CD163: variants seen among roughly 807,000 people sequenced by gnomAD.
CD163 encodes the protein CD163 molecule, also known as scavenger receptor cysteine-rich type 1 protein M130.
In CD163, 64 loss-of-function variants were observed where a neutral mutation model predicts 129.2. That is an observed-to-expected ratio of 0.50 (90% CI 0.41 to 0.61). The LOEUF (loss-of-function observed/expected upper bound fraction) is 0.61, where lower values mean the gene tolerates loss of function less well. CD163 is among the 20% of genes least tolerant of loss of function. The pLI is 0.00. For synonymous variants in CD163, 446 were observed against 478.5 expected, an observed-to-expected ratio of 0.93 and a Z score of 0.89; for missense variants, 1,061 against 1,377.9, an observed-to-expected ratio of 0.77 and a Z score of 3.64.
rs771709951 is a variant in CD163, at chr12:7,473,789, TAA to T, written c.*32-2394_*32-2393del. The stretch of plus-strand genomic sequence containing the variant: ...AAAAGACACAGACTGGCAAATTGGA[TAA>T]AGAGTCAAGATCCATCGGCGTGCTG... On this transcript the variant is annotated intron_variant, in intron 16 of 16. Coordinates refer to ENST00000432237, the MANE Select transcript of CD163 (RefSeq NM_203416.4). 1.6e-4 allele frequency among the ~76,000 whole-genome samples: 25 copies of T among 151,988 alleles called. No individual in the cohort carries two copies. The East Asian group carries it at 4.4e-3, about 27-fold the overall frequency.
Position 7,483,633 on chromosome 12 carries a change from C to T in CD163, c.2822G>A (p.Arg941His), listed in dbSNP as rs1457652261. 4.3e-6 allele frequency: 7 copies of T among 1,613,540 alleles called. No individual in the cohort carries two copies. Among genetic ancestry groups the T allele is most frequent in the Non-Finnish European group, 5.1e-6 (6 of 1,179,858 alleles). ...LQEGPTSCSG[R>H]VEIWHGGSWG... is the part of the protein sequence containing the mutation. ...GGAACCTCCATGCCAGATCTCCACA[C>T]GTCCAGAACAGGAAGTGGGTCCTTC... The change falls in exon 12 of 17, where the codon CGT becomes CAT. Residue 941 changes from arginine to histidine, a missense_variant. Coordinates refer to ENST00000432237, the MANE Select transcript of CD163 (RefSeq NM_203416.4).
At chr12:7,501,884 A>G (rs1050648310) in intron 2 of CD163, among the ~76,000 whole-genome samples, 3 of 152,236 alleles carry the variant, frequency 2.0e-5, no homozygotes, top group Non-Finnish European at 2.9e-5. Context: ...GACTAGTTGT[A>G]AGAAATTTAA....
At position 7,497,026 on chromosome 12, in the gene CD163, C is replaced by T. The variant is rs1949411694; in HGVS notation, c.886G>A (p.Asp296Asn). 4 of 1,614,066 alleles carry T rather than the reference C, an allele frequency of 2.5e-6. No homozygotes were observed. The highest frequency in any genetic ancestry group is 2.5e-6 in the Non-Finnish European group (3 of 1,179,980). ...CATGCCACAGCAGCATCGTAACTGTCCCAGCCGTCATCACATATTGTCCCC... is the reference window on the plus strand; with the variant it reads ...CATGCCACAGCAGCATCGTAACTGTTCCAGCCGTCATCACATATTGTCCCC... ...EWGTICDDGWDSYDAAVACKQ... is the reference protein window; with the variant it reads ...EWGTICDDGWNSYDAAVACKQ... Residue 296 changes from aspartate (D) to asparagine (N), a missense_variant, in exon 5 of 17, where the codon GAC becomes AAC. By Grantham distance (23) the Asp-to-Asn change is conservative. Transcript: ENST00000432237.
rs1948998648 is a variant in CD163 at position 7,471,217 on chromosome 12, C to G, written c.*212G>C. On this transcript the variant is annotated 3_prime_UTR_variant, in exon 17 of 17. Coordinates refer to ENST00000432237, the MANE Select transcript of CD163 (RefSeq NM_203416.4). ...TTATTTATTTAATTCCCTTGAAAGTCTCATATACACCACTAAGTAGTCACA... is the reference window on the plus strand; with the variant it reads ...TTATTTATTTAATTCCCTTGAAAGTGTCATATACACCACTAAGTAGTCACA... 2.0e-5 allele frequency: 3 copies of G among 152,248 alleles called. No homozygotes were observed. Among genetic ancestry groups the G allele is most frequent in the African/African-American group, 7.2e-5 (3 of 41,418 alleles). The allele number at this position is 152,248 out of a possible 1,614,324, so 9.4% of individuals were successfully genotyped here.
At chr12:7,498,146 CAGAGAGAG>C (rs1555079445) in intron 4 of CD163, among the ~76,000 whole-genome samples, 18 of 148,860 alleles carry the variant, frequency 1.2e-4, no homozygotes, top group African/African-American at 4.0e-4. Context: ...CACACACACA[CAGAGAGAG>C]AGAGAGAGAG....
At position 7,487,404 on chromosome 12, in the gene CD163, C is replaced by T. The variant is rs1171127270; in HGVS notation, c.2005G>A (p.Ala669Thr). The T allele has an allele frequency of 6.2e-7, 1 of 1,607,998 alleles. No individual in the cohort carries two copies. The highest frequency in any genetic ancestry group is 8.5e-7 in the Non-Finnish European group (1 of 1,177,274). The change falls in exon 8 of 17, where the codon GCT (alanine) becomes ACT (threonine). Residue 669 changes from alanine to threonine, a missense_variant. By Grantham distance (58) the Ala-to-Thr change is moderately conservative. Transcript: ENST00000432237. This position sits in a 1 kb window ranked among gnomAD's most constrained non-coding sequence, Gnocchi z 5.1. Reference protein sequence around the residue: ...MGDCPVTALGASLCPSEQVAS... With the variant: ...MGDCPVTALGTSLCPSEQVAS... Reference sequence around the variant, plus strand: ...ACTTGCTCTGAAGGACATAATGAAGCACCTAGAGCAGTTACAGGACAATCT... The same window carrying T: ...ACTTGCTCTGAAGGACATAATGAAGTACCTAGAGCAGTTACAGGACAATCT...
chr12:7,480,967 A>T, intron 15 of CD163, 194 bp downstream of exon 15: 1 of 1,288,856 alleles, frequency 7.8e-7, no homozygotes, highest in Non-Finnish European at 9.9e-7. Context: ...CTCTTAAGCT[A>T]AAGGCCTCCC....
rs1236194549 is a variant in CD163, at chr12:7,483,580, C to T, written c.2875G>A (p.Asp959Asn). Residue 959 changes from aspartate (D) to asparagine (N), a missense_variant, in exon 12 of 17, where the codon GAC becomes AAC. Coordinates refer to ENST00000432237, the MANE Select transcript of CD163 (RefSeq NM_203416.4). ...CACACCACCTGAGCATCGTCCAAGT[C>T]CCAAGAGTCATCACACACTGTCCCC... ...SWGTVCDDSW[D>N]LDDAQVVCQQ... The T allele has an allele frequency of 1.2e-6, 2 of 1,613,640 alleles. No individual in the cohort carries two copies. Among genetic ancestry groups the T allele is most frequent in the Middle Eastern group, 1.6e-4 (1 of 6,062 alleles).
chr12:7,490,407 C>T (rs1949311775), intron 6 of CD163, among the ~76,000 whole-genome samples: 1 of 151,936 alleles, frequency 6.6e-6, no homozygotes. Context: ...TTAAGAAACA[C>T]AATCATCAAG....
At position 7,485,063 on chromosome 12, in the gene CD163, A is replaced by G. The variant is rs1199688283; in HGVS notation, c.2779+33T>C. 6.5e-7 allele frequency: 1 copy of G among 1,538,156 alleles called. No individual in the cohort carries two copies. On this transcript the variant is annotated intron_variant, in intron 11 of 16. Transcript: ENST00000432237. The surrounding 1 kb of genome is among the most constrained non-coding windows in gnomAD (Gnocchi z 4.5). The stretch of plus-strand genomic sequence containing the variant: ...CAGAAGATGATAGCGGGGCTGCAGA[A>G]TGGAATTTTCATATAGGTCGATGGA...
intron 11 of CD163, 72 bp from the exon 12 acceptor site, chr12:7,483,747 G>T: frequency 2.3e-6 from 2 of 870,672 alleles, no homozygotes; most frequent in East Asian, 3.2e-5. Flanking sequence ...GGTGAAAAGA[G>T]AGATTTGAAA....
chr12:7,480,100 A>C, intron 15 of CD163, 187 bp from the exon 16 acceptor site: 1 of 1,051,778 alleles, frequency 9.5e-7, no homozygotes, highest in South Asian at 1.7e-5. Context: ...TAGGAAGAAA[A>C]GCATGTGTGA....
chr12:7,479,535 G>A (rs1338746801), intron 16 of CD163, among the ~76,000 whole-genome samples: 2 of 151,986 alleles, frequency 1.3e-5, no homozygotes, highest in African/African-American at 2.4e-5. Flanking sequence ...TGTATTATAC[G>A]ATGTAGATGT....
Position 7,483,841 on chromosome 12 carries a change from A to ATATATATTTT in CD163, c.2780-167_2780-166insAAAATATATA, listed in dbSNP as rs1442991429. On this transcript the variant is annotated intron_variant, in intron 11 of 16. Coordinates refer to ENST00000432237, the MANE Select transcript of CD163 (RefSeq NM_203416.4). The stretch of plus-strand genomic sequence containing the variant: ...TATATATATGTATATATATATATAT[A>ATATATATTTT]TTTTTTTTTTTTTTTTTGAGACAGA... The ATATATATTTT allele has an allele frequency of 3.6e-5, 4 of 109,990 alleles. No individual in the cohort carries two copies. In the East Asian group the frequency reaches 1.1e-3, roughly 31 times the overall value. 6.8% of individuals were successfully genotyped at this position (109,990 alleles called of 1,614,324 possible).
At chr12:7,484,960 G>T in intron 11 of CD163, 136 bp downstream of exon 11, 1 of 773,528 alleles carries the variant, frequency 1.3e-6, no homozygotes, top group Non-Finnish European at 2.1e-6. Flanking sequence ...TTACCCACAA[G>T]TTACCCATTC....
At position 7,495,236 on chromosome 12, in the gene CD163, G is replaced by GTTTT; in HGVS notation, c.1261_1264dup (p.Thr422LysfsTer21). On this transcript the variant is annotated frameshift_variant, in exon 6 of 17. Coordinates refer to ENST00000432237, the MANE Select transcript of CD163 (RefSeq NM_203416.4). LOFTEE classifies it high-confidence loss of function. ...GATTTTGGAGTACACTTGATAAGAT[G>GTTTT]TTTTGAGTGCAGATCCACATCCCAG... 6.2e-7 allele frequency: 1 copy of GTTTT among 1,614,070 alleles called. No individual in the cohort carries two copies. The highest frequency in any genetic ancestry group is 8.5e-7 in the Non-Finnish European group (1 of 1,180,002).
In CD163 at chr12:7,485,625, C is replaced by T. The variant is rs1025540030; in HGVS notation, c.2459-209G>A. Among the ~76,000 whole-genome samples the T allele has an allele frequency of 5.9e-5, 9 of 151,874 alleles. No homozygotes were observed. The highest frequency in any genetic ancestry group is 2.2e-4 in the African/African-American group (9 of 41,460). On this transcript the variant is annotated intron_variant, in intron 10 of 16. Coordinates refer to ENST00000432237, the MANE Select transcript of CD163 (RefSeq NM_203416.4). This position sits in a 1 kb window ranked among gnomAD's most constrained non-coding sequence, Gnocchi z 4.5. ...TATAAATACATTATAGTTTTTTGGT[C>T]TTTGGTTTTGGACTCAGAGTCCTCT...
chr12:7,490,572 C>G (rs1380300665), intron 6 of CD163, among the ~76,000 whole-genome samples: 4 of 151,934 alleles, frequency 2.6e-5, no homozygotes, highest in Non-Finnish European at 5.9e-5. Flanking sequence ...TACCTGCTAT[C>G]AAATATCAAC....
intron 16 of CD163, among the ~76,000 whole-genome samples, chr12:7,477,109 G>A (rs1304737169): frequency 6.6e-6 from 1 of 152,202 alleles, no homozygotes; most frequent in Non-Finnish European, 1.5e-5. Flanking sequence ...AGAGGATGTG[G>A]AGAAATAGAA....
Sources: gnomAD v4.1 joint callset for allele counts (sites outside exome capture counted in the v4.1 genomes callset) on GRCh38, gnomAD v4.1.1 for gene constraint, Gnocchi (gnomAD v3.1) non-coding constraint, MANE v1.5 for transcripts, NCBI Gene and HGNC (gene_info 2026-07-23, HGNC 2026-07-21) for gene names.